Variants in RNGTT observed in about 807,000 individuals in gnomAD.
RNGTT encodes the protein mRNA-capping enzyme.
RNGTT carries 33 observed loss-of-function variants against 79.3 expected under a neutral mutation model. That is an observed-to-expected ratio of 0.42 (90% CI 0.32 to 0.56). The LOEUF (loss-of-function observed/expected upper bound fraction) is 0.56. Among genes scored for constraint, RNGTT ranks in the 20% least tolerant of loss-of-function variants. RNGTT has a pLI of 0.17. For synonymous variants in RNGTT, 222 were observed against 235.9 expected (o/e 0.94, Z 0.54); for missense variants, 497 against 739.1 (o/e 0.67, Z 3.80).
intron 11 of RNGTT, among the ~76,000 whole-genome samples, chr6:88,831,898 C>A (rs973322508): frequency 6.6e-6 from 1 of 152,180 alleles, no homozygotes; most frequent in Non-Finnish European, 1.5e-5. Context: ...TGAATGACCT[C>A]TTCAAGGAGA....
At chr6:88,674,044 C>G (rs1226783597) in intron 14 of RNGTT, among the ~76,000 whole-genome samples, 4 of 152,108 alleles carry the variant, frequency 2.6e-5, no homozygotes, top group Non-Finnish European at 4.4e-5. Context: ...GCCAATTCCC[C>G]TCATGTTACA....
In RNGTT at chr6:88,892,479, G is replaced by A. The variant is rs1783082557; in HGVS notation, c.685-564C>T. Among the ~76,000 whole-genome samples the A allele has an allele frequency of 2.6e-5, 4 of 152,020 alleles. No individual in the cohort carries two copies. In the South Asian group the frequency reaches 8.3e-4, roughly 32 times the overall value. On this transcript the variant is annotated intron_variant, in intron 6 of 15. Coordinates refer to ENST00000369485, the MANE Select transcript of RNGTT (RefSeq NM_003800.5). ...GTAAGAGTGTAGGCAAAGTGGCTAA[G>A]CCACAGTCATTGGATATATTAACAT...
intron 14 of RNGTT, among the ~76,000 whole-genome samples, chr6:88,615,982 C>T (rs1244242491): frequency 6.6e-6 from 1 of 152,166 alleles, no homozygotes; most frequent in Admixed American, 6.5e-5. Context: ...GCTATACTCC[C>T]TAAACACTAA....
At chr6:88,685,597 AAAG>A (rs1350453794) in intron 13 of RNGTT, among the ~76,000 whole-genome samples, 1 of 151,908 alleles carries the variant, frequency 6.6e-6, no homozygotes, top group Non-Finnish European at 1.5e-5. Context: ...AGGGAAGAAA[AAAG>A]AAGCAAAGAA....
chr6:88,703,528 G>C (rs1259327355), intron 13 of RNGTT, among the ~76,000 whole-genome samples: 3 of 152,114 alleles, frequency 2.0e-5, no homozygotes, highest in African/African-American at 7.2e-5. Context: ...AGACAACGGG[G>C]ACTACTAAAG....
chr6:88,719,074 T>C (rs942005626), intron 13 of RNGTT, among the ~76,000 whole-genome samples: 1 of 152,120 alleles, frequency 6.6e-6, no homozygotes, highest in East Asian at 1.9e-4. Flanking sequence ...ATTAAGAAAA[T>C]AGCAGACTTG....
chr6:88,750,761 T>C (rs1014114544), intron 13 of RNGTT, among the ~76,000 whole-genome samples: 1 of 152,116 alleles, frequency 6.6e-6, no homozygotes, highest in Non-Finnish European at 1.5e-5. Context: ...TACATATTTA[T>C]AAAGTTTTAT....
intron 10 of RNGTT, among the ~76,000 whole-genome samples, chr6:88,847,058 T>A (rs1781507257): frequency 6.6e-6 from 1 of 152,198 alleles, no homozygotes. Flanking sequence ...AACAAATACA[T>A]TAAAAAATGC....
At chr6:88,909,109 G>A (rs1473156446) in intron 4 of RNGTT, among the ~76,000 whole-genome samples, 1 of 152,186 alleles carries the variant, frequency 6.6e-6, no homozygotes. Context: ...CCTCTCTTCA[G>A]AAGACCAGTC....
chr6:88,871,100 A>G (rs1357340976), intron 8 of RNGTT, among the ~76,000 whole-genome samples: 1 of 152,180 alleles, frequency 6.6e-6, no homozygotes, highest in Non-Finnish European at 1.5e-5. Flanking sequence ...ATGTATGCAT[A>G]TTTCCATAAA....
chr6:88,764,102 C>T (rs1399096856), intron 13 of RNGTT, among the ~76,000 whole-genome samples: 1 of 152,112 alleles, frequency 6.6e-6, no homozygotes, highest in African/African-American at 2.4e-5. Context: ...CCCTATAAGG[C>T]CTCCTCCAAT....
At chr6:88,688,100 C>T (rs929867210) in intron 13 of RNGTT, among the ~76,000 whole-genome samples, 1 of 152,056 alleles carries the variant, frequency 6.6e-6, no homozygotes, top group Non-Finnish European at 1.5e-5. Flanking sequence ...TCTAAGGCTA[C>T]CAACAAAAAG....
At chr6:88,929,118 T>A in intron 3 of RNGTT, 45 bp from the exon 4 acceptor site, 1 of 1,584,970 alleles carries the variant, frequency 6.3e-7, no homozygotes, top group Non-Finnish European at 8.6e-7. Context: ...GATTACAAAT[T>A]GTGATGAAAG....
intron 4 of RNGTT, among the ~76,000 whole-genome samples, chr6:88,909,989 A>T (rs1258885932): frequency 6.6e-6 from 1 of 152,142 alleles, no homozygotes; most frequent in African/African-American, 2.4e-5. Flanking sequence ...AAACCCATTC[A>T]ATCAACAGCA....
At chr6:88,758,502 C>T (rs549380328) in intron 13 of RNGTT, among the ~76,000 whole-genome samples, 1 of 152,090 alleles carries the variant, frequency 6.6e-6, no homozygotes, top group East Asian at 1.9e-4. Flanking sequence ...GTAAAAATTC[C>T]TCAGATTTTG....
At chr6:88,724,153 T>C (rs1776804560) in intron 13 of RNGTT, among the ~76,000 whole-genome samples, 1 of 152,212 alleles carries the variant, frequency 6.6e-6, no homozygotes, top group Non-Finnish European at 1.5e-5. Context: ...AACTTTTAAA[T>C]AAATTTAGTG....
rs1358358736 is a variant in RNGTT at position 88,929,027 on chromosome 6, G to A, written c.325C>T (p.Leu109=). ...TTENTETFIR[L]CERFNERNPP... Reference sequence around the variant, plus strand: ...TTTCTTTCATTAAACCGCTCACACAGACGAATAAAGGTCTCAGTATTCTCA... The same window carrying A: ...TTTCTTTCATTAAACCGCTCACACAAACGAATAAAGGTCTCAGTATTCTCA... Residue 109 remains leucine (L), a synonymous_variant, in exon 4 of 16, where the codon CTG becomes TTG. Coordinates refer to ENST00000369485, the MANE Select transcript of RNGTT (RefSeq NM_003800.5). The A allele has an allele frequency of 6.2e-7, 1 of 1,612,884 alleles. No individual in the cohort carries two copies.
In RNGTT at chr6:88,791,096, T is replaced by C. The variant is rs1779390531; in HGVS notation, c.1338+10468A>G. On this transcript the variant is annotated intron_variant, in intron 12 of 15. Transcript: ENST00000369485. Reference sequence around the variant, plus strand: ...AAGGCCATTCAAGGGCAGGGGAGATTATTCTGAATTACCCAGATGAACCCT... The same window carrying C: ...AAGGCCATTCAAGGGCAGGGGAGATCATTCTGAATTACCCAGATGAACCCT... Among the ~76,000 whole-genome samples the C allele has an allele frequency of 2.0e-5, 3 of 151,786 alleles. No homozygotes were observed. In the South Asian group the frequency reaches 6.2e-4, roughly 32 times the overall value.
intron 11 of RNGTT, among the ~76,000 whole-genome samples, chr6:88,841,676 C>G (rs906784685): frequency 2.0e-5 from 3 of 152,166 alleles, no homozygotes; most frequent in African/African-American, 7.2e-5. Context: ...TGTAAAAGTA[C>G]TCATAACCCA....
Sources: gnomAD v4.1 joint callset for allele counts (sites outside exome capture counted in the v4.1 genomes callset) on GRCh38, gnomAD v4.1.1 for gene constraint, MANE v1.5 for transcripts, NCBI Gene and HGNC (gene_info 2026-07-23, HGNC 2026-07-21) for gene names.